Variants in CALCRL observed in about 807,000 individuals in gnomAD.
The protein encoded by CALCRL is calcitonin receptor like receptor, also known as calcitonin gene-related peptide type 1 receptor.
A neutral mutation model predicts 60.4 loss-of-function variants in CALCRL; 27 were observed. That is an observed-to-expected ratio of 0.45 (90% CI 0.33 to 0.62). CALCRL has a LOEUF of 0.62. Ranked by LOEUF, CALCRL falls within the 20% of genes least tolerant of loss-of-function variation. The pLI is 0.03. For missense variants in CALCRL, 424 were observed against 540.7 expected (o/e 0.78, Z 2.14); for synonymous variants, 190 against 182.6 (o/e 1.04, Z -0.33).
chr2:187,445,248 T>G lies in CALCRL; in HGVS notation c.-293+2791A>C, dbSNP rs2105916857. On this transcript the variant is annotated intron_variant, in intron 1 of 14. Coordinates refer to ENST00000392370, the MANE Select transcript of CALCRL (RefSeq NM_005795.6). ...AACACCCTTGCAATGATAGCGCTTGTGTTTATGGTTTAATAGCTTCTCTGA... is the reference window on the plus strand; with the variant it reads ...AACACCCTTGCAATGATAGCGCTTGGGTTTATGGTTTAATAGCTTCTCTGA... Among the ~76,000 whole-genome samples the G allele has an allele frequency of 4.6e-5, 7 of 151,704 alleles. No homozygotes were observed. In the South Asian group the frequency reaches 1.5e-3, roughly 31 times the overall value.
At chr2:187,372,489 G>C (rs778299167) in intron 8 of CALCRL, among the ~76,000 whole-genome samples, 1 of 151,646 alleles carries the variant, frequency 6.6e-6, no homozygotes, top group Non-Finnish European at 1.5e-5. Context: ...CCTTTAATTG[G>C]CTCTAATATA....
At position 187,358,200 on chromosome 2, in the gene CALCRL, T is replaced by A. The variant is rs528307324; in HGVS notation, c.909+863A>T. On this transcript the variant is annotated intron_variant, in intron 12 of 14. Coordinates refer to ENST00000392370, the MANE Select transcript of CALCRL (RefSeq NM_005795.6). ...ATCCTGTCTCTATAAAAAAAAATTT[T>A]TAAAAATTATCCAAGCATAGTAGTG... Among the ~76,000 whole-genome samples the A allele has an allele frequency of 1.3e-3, 193 of 151,852 alleles. 3 individuals are homozygous for A. Among genetic ancestry groups the A allele is most frequent in the African/African-American group, 4.3e-3 (179 of 41,464 alleles).
Position 187,353,154 on chromosome 2 carries a change from T to C in CALCRL, c.910-822A>G, listed in dbSNP as rs371678673. Among the ~76,000 whole-genome samples the C allele has an allele frequency of 1.9e-3, 292 of 152,072 alleles. 1 individual carries two copies. The highest frequency in any genetic ancestry group is 6.7e-3 in the African/African-American group (278 of 41,532). On this transcript the variant is annotated intron_variant, in intron 12 of 14. Coordinates refer to ENST00000392370, the MANE Select transcript of CALCRL (RefSeq NM_005795.6). ...ATACAAGTTTATCTTTCTCTTATTT[T>C]CACCCAAGTTAGAGTTTATCTCTTT...
At chr2:187,398,778 A>T (rs917909375) in intron 1 of CALCRL, among the ~76,000 whole-genome samples, 1 of 151,648 alleles carries the variant, frequency 6.6e-6, no homozygotes, top group Admixed American at 6.6e-5. Context: ...CAAGTAGGGC[A>T]TGAATATCAG....
At chr2:187,443,924 C>CAAATTT (rs1691047648) in intron 1 of CALCRL, among the ~76,000 whole-genome samples, 1 of 151,658 alleles carries the variant, frequency 6.6e-6, no homozygotes, top group Non-Finnish European at 1.5e-5. Flanking sequence ...TTCAAATTAA[C>CAAATTT]ACTCATTTGT....
intron 1 of CALCRL, among the ~76,000 whole-genome samples, chr2:187,402,648 C>A (rs575249712): frequency 3.0e-4 from 46 of 151,784 alleles, no homozygotes; most frequent in African/African-American, 1.1e-3. Context: ...AATATCTACT[C>A]TGATTTGCTG....
chr2:187,409,739 C>A (rs1689276368), intron 1 of CALCRL, among the ~76,000 whole-genome samples: 2 of 152,214 alleles, frequency 1.3e-5, no homozygotes, highest in East Asian at 3.9e-4. Context: ...AGAAGATGAC[C>A]TAATCTGGAG....
At chr2:187,350,830 T>C (rs1686497425) in intron 14 of CALCRL, among the ~76,000 whole-genome samples, 1 of 151,744 alleles carries the variant, frequency 6.6e-6, no homozygotes, top group African/African-American at 2.4e-5. Flanking sequence ...CTTCACATTA[T>C]CAAGTGTCTG....
At chr2:187,419,023 A>ATTTTTTTTTTTTTTTTTT (rs33929530) in intron 1 of CALCRL, among the ~76,000 whole-genome samples, 2 of 85,986 alleles carry the variant, frequency 2.3e-5, no homozygotes, top group African/African-American at 4.8e-5. Context: ...CGTCTGGCTA[A>ATTTTTTTTTTTTTTTTTT]TTTTTTTTTT....
chr2:187,387,711 T>C lies in CALCRL; in HGVS notation c.-247A>G, dbSNP rs998681414. Reference sequence around the variant, plus strand: ...TCAAATCACATTTTCTCTTGGATCATATTTGACATTGTCTTTAAGAATTTC... The same window carrying C: ...TCAAATCACATTTTCTCTTGGATCACATTTGACATTGTCTTTAAGAATTTC... On this transcript the variant is annotated 5_prime_UTR_variant, in exon 2 of 15. In the 5' UTR this introduces an upstream ATG that the reference lacks. Coordinates refer to ENST00000392370, the MANE Select transcript of CALCRL (RefSeq NM_005795.6). The C allele has an allele frequency of 2.5e-6, 1 of 397,076 alleles. No individual in the cohort carries two copies. The highest frequency in any genetic ancestry group is 2.1e-5 in the African/African-American group (1 of 48,578). 24.6% of individuals were successfully genotyped at this position (397,076 alleles called of 1,614,324 possible).
intron 1 of CALCRL, among the ~76,000 whole-genome samples, chr2:187,434,524 C>T (rs1237740443): frequency 1.3e-5 from 2 of 152,038 alleles, no homozygotes; most frequent in Non-Finnish European, 2.9e-5. Context: ...CAATGGAAAC[C>T]TCATACACTG....
At chr2:187,377,916 G>A (rs1687828107) in intron 8 of CALCRL, among the ~76,000 whole-genome samples, 2 of 151,936 alleles carry the variant, frequency 1.3e-5, no homozygotes, top group Admixed American at 1.3e-4. Context: ...AAAAATGTTA[G>A]AAATTGCTTA....
chr2:187,368,899 G>A (rs1007998125), intron 8 of CALCRL, among the ~76,000 whole-genome samples: 3 of 152,122 alleles, frequency 2.0e-5, no homozygotes, highest in Non-Finnish European at 4.4e-5. Flanking sequence ...AATCAGTAGT[G>A]TGACTATCTT....
rs756327396 is a variant in CALCRL, at chr2:187,360,607, G to T, written c.772C>A (p.Leu258Ile). Residue 258 changes from leucine to isoleucine, a missense_variant, in exon 10 of 15, where the codon CTT (leucine) becomes ATT (isoleucine). This residue lies in a region of CALCRL where 222 missense variants were observed against 265.6 expected (regional missense o/e 0.84). Transcript: ENST00000392370. ...EKQHLMWYYF[L>I]GWGFPLIPAC... ...GTATAATAACACTTACCCCAGCCAAGAAAATAATACCACATTAAATGTTGC... is the reference window on the plus strand; with the variant it reads ...GTATAATAACACTTACCCCAGCCAATAAAATAATACCACATTAAATGTTGC... 5.6e-6 allele frequency: 9 copies of T among 1,609,506 alleles called. No individual in the cohort carries two copies. Among genetic ancestry groups the T allele is most frequent in the Non-Finnish European group, 7.6e-6 (9 of 1,178,102 alleles).
intron 1 of CALCRL, among the ~76,000 whole-genome samples, chr2:187,389,517 A>AT (rs1258346059): frequency 1.2e-4 from 18 of 152,150 alleles, no homozygotes; most frequent in African/African-American, 3.4e-4. Flanking sequence ...AAGTTATCAC[A>AT]TTTTTCCATC....
intron 8 of CALCRL, among the ~76,000 whole-genome samples, chr2:187,368,810 C>A (rs1038538844): frequency 6.6e-6 from 1 of 152,058 alleles, no homozygotes; most frequent in African/African-American, 2.4e-5. Flanking sequence ...AAAACACTAG[C>A]AACATATCCA....
chr2:187,363,302 T>G, intron 9 of CALCRL, 74 bp downstream of exon 9: 2 of 1,406,752 alleles, frequency 1.4e-6, no homozygotes, highest in Non-Finnish European at 9.7e-7. Context: ...ATTATACACA[T>G]TATGCATATA....
At chr2:187,362,575 G>GACATAC (rs1687101726) in intron 9 of CALCRL, among the ~76,000 whole-genome samples, 1 of 151,188 alleles carries the variant, frequency 6.6e-6, no homozygotes, top group African/African-American at 2.4e-5. Context: ...ACTTTATATA[G>GACATAC]ACACACACAC....
At chr2:187,352,521 C>A (rs978137606) in intron 12 of CALCRL, among the ~76,000 whole-genome samples, 189 bp from the exon 13 acceptor site, 3 of 151,508 alleles carry the variant, frequency 2.0e-5, no homozygotes, top group Non-Finnish European at 3.0e-5. Flanking sequence ...ACAAGTACAT[C>A]AATTTTAATA....
Sources: gnomAD v4.1 joint callset for allele counts (sites outside exome capture counted in the v4.1 genomes callset) on GRCh38, gnomAD v4.1.1 for gene constraint, gnomAD v4.1.1 regional missense constraint, MANE v1.5 for transcripts, NCBI Gene and HGNC (gene_info 2026-07-23, HGNC 2026-07-21) for gene names.